TFCP2L1: variants seen among roughly 807,000 people sequenced by gnomAD.
TFCP2L1 encodes transcription factor CP2-like protein 1.
A neutral mutation model predicts 72.2 loss-of-function variants in TFCP2L1; 12 were observed. The observed-to-expected ratio is 0.17, with a 90% CI of 0.11 to 0.27. The LOEUF is 0.27. TFCP2L1 is among the 10% of genes least tolerant of loss of function. The probability of loss-of-function intolerance (pLI) is 1.00; values close to 1 mark genes in which losing one functional copy is unlikely to be tolerated. For missense variants in TFCP2L1, 488 were observed against 624.6 expected, an observed-to-expected ratio of 0.78 and a Z score of 2.33; for synonymous variants, 260 against 251.0, an observed-to-expected ratio of 1.04 and a Z score of -0.34.
chr2:121,247,165 C>G (rs983532946), intron 5 of TFCP2L1, among the ~76,000 whole-genome samples, 195 bp from the exon 6 acceptor site: 4 of 152,146 alleles, frequency 2.6e-5, no homozygotes, highest in Non-Finnish European at 4.4e-5. Context: ...CTGCAAAAGA[C>G]ATACACACCC....
At chr2:121,234,906 C>T (rs1437368795) in intron 11 of TFCP2L1, among the ~76,000 whole-genome samples, 2 of 152,228 alleles carry the variant, frequency 1.3e-5, no homozygotes, top group African/African-American at 2.4e-5. Flanking sequence ...CAGGACCACA[C>T]AAGCATCTGA....
intron 13 of TFCP2L1, among the ~76,000 whole-genome samples, chr2:121,231,348 C>A (rs1078442): frequency 0.39 from 59,854 of 152,116 alleles, 14,178 homozygotes; most frequent in Non-Finnish European, 0.53. Flanking sequence ...AGCCCTCTGC[C>A]AGTAGCTGCT....
rs1491376871 is a variant in TFCP2L1 at position 121,221,399 on chromosome 2, GTA to G, written c.*2940_*2941del. The G allele has an allele frequency of 1.7e-5, 1 of 59,840 alleles. No individual in the cohort carries two copies. The highest frequency in any genetic ancestry group is 4.3e-5 in the African/African-American group (1 of 23,362). 3.7% of individuals were successfully genotyped at this position (59,840 alleles called of 1,614,324 possible). On this transcript the variant is annotated 3_prime_UTR_variant, in exon 15 of 15. Transcript: ENST00000263707. ...ACTGGTGGAACCAAACACAGACTAA[GTA>G]AAAAAAAAAAAAAGGTAAGCTTCCC...
At chr2:121,231,782 G>A in intron 13 of TFCP2L1, 44 bp downstream of exon 13, 1 of 1,602,460 alleles carries the variant, frequency 6.2e-7, no homozygotes, top group Non-Finnish European at 8.5e-7. Flanking sequence ...CTCCTCCCGT[G>A]GCCCAGAGCC....
At chr2:121,252,824 G>C (rs1686638470) in intron 2 of TFCP2L1, among the ~76,000 whole-genome samples, 1 of 152,190 alleles carries the variant, frequency 6.6e-6, no homozygotes, top group African/African-American at 2.4e-5. Context: ...AGCAGCCACA[G>C]AAAACAAATA....
rs1257330798 is a variant in TFCP2L1, at chr2:121,255,742, C to CT, written c.215-6096dup. The stretch of plus-strand genomic sequence containing the variant: ...GTGTATCTATTACATTTCCCCTGAA[C>CT]TTATTTTTTTTTTTTTTTGAGACGG... On this transcript the variant is annotated intron_variant, in intron 2 of 14. Coordinates refer to ENST00000263707, the MANE Select transcript of TFCP2L1 (RefSeq NM_014553.3). Among the ~76,000 whole-genome samples the CT allele has an allele frequency of 2.7e-5, 4 of 147,728 alleles. No homozygotes were observed. The East Asian group carries it at 8.4e-4, about 31-fold the overall frequency.
chr2:121,265,774 G>A (rs1216515919), intron 2 of TFCP2L1, among the ~76,000 whole-genome samples: 1 of 151,940 alleles, frequency 6.6e-6, no homozygotes, highest in Non-Finnish European at 1.5e-5. Context: ...GTGAGCCACC[G>A]TGCCTGGCCA....
At chr2:121,239,533 C>T in intron 8 of TFCP2L1, 25 bp downstream of exon 8, 1 of 1,612,966 alleles carries the variant, frequency 6.2e-7, no homozygotes, top group Non-Finnish European at 8.5e-7. Context: ...TTCAGGGAAC[C>T]CGAAGAAAGA....
Position 121,248,995 on chromosome 2 carries a change from C to T in TFCP2L1, c.384G>A (p.Arg128=). 1 of 1,600,308 alleles carries T rather than the reference C, an allele frequency of 6.2e-7. No individual in the cohort carries two copies. Residue 128 remains arginine (R), a synonymous_variant, in exon 4 of 15, where the codon CGG becomes CGA. Transcript: ENST00000263707. ...CAGGAGACTCACCGATGTCCAGGAT[C>T]CGGTCCCCTGGCCGACTCCACCGCC... ...EGWRWSRPGD[R]ILDIDIPLSV...
intron 13 of TFCP2L1, among the ~76,000 whole-genome samples, chr2:121,231,070 T>G (rs1360877172): frequency 6.6e-6 from 1 of 152,166 alleles, no homozygotes; most frequent in Non-Finnish European, 1.5e-5. Flanking sequence ...GGGCAATTAC[T>G]CAGCCTCTGT....
chr2:121,248,463 T>G (rs1041822441), intron 4 of TFCP2L1, among the ~76,000 whole-genome samples, 193 bp from the exon 5 acceptor site: 12 of 152,226 alleles, frequency 7.9e-5, no homozygotes, highest in African/African-American at 2.9e-4. Context: ...TCACCCCGTT[T>G]TGTATGAACC....
chr2:121,238,982 C>A (rs1686307066), intron 8 of TFCP2L1, among the ~76,000 whole-genome samples: 1 of 152,118 alleles, frequency 6.6e-6, no homozygotes, highest in South Asian at 2.1e-4. Flanking sequence ...ACAGGGCATG[C>A]AGAGCCATCA....
intron 10 of TFCP2L1, among the ~76,000 whole-genome samples, 155 bp from the exon 11 acceptor site, chr2:121,235,466 C>G (rs1686227271): frequency 6.6e-6 from 1 of 151,920 alleles, no homozygotes; most frequent in Non-Finnish European, 1.5e-5. Flanking sequence ...TGCTCAACAA[C>G]ATCAAAAGAT....
chr2:121,275,406 A>AAAAAAAAG (rs1323412676), intron 2 of TFCP2L1, among the ~76,000 whole-genome samples: 1 of 150,698 alleles, frequency 6.6e-6, no homozygotes, highest in African/African-American at 2.4e-5. Flanking sequence ...CTCAAAAAAA[A>AAAAAAAAG]AAAAAAAAAG....
intron 2 of TFCP2L1, among the ~76,000 whole-genome samples, chr2:121,258,172 T>C (rs1686764259): frequency 1.3e-5 from 2 of 152,216 alleles, no homozygotes; most frequent in African/African-American, 4.8e-5. Context: ...ACCTGTCAGA[T>C]GGCAAAAAAC....
At chr2:121,231,391 G>A (rs1051172508) in intron 13 of TFCP2L1, among the ~76,000 whole-genome samples, 2 of 152,212 alleles carry the variant, frequency 1.3e-5, no homozygotes, top group Non-Finnish European at 2.9e-5. Flanking sequence ...CACCTGGGAA[G>A]GCTGTGGCAC....
chr2:121,284,950 G>A, intron 1 of TFCP2L1, 98 bp downstream of exon 1: 1 of 1,105,028 alleles, frequency 9.0e-7, no homozygotes, highest in Non-Finnish European at 1.2e-6. Flanking sequence ...GGGAGGCCAG[G>A]GCCCAGCAGG....
intron 13 of TFCP2L1, among the ~76,000 whole-genome samples, chr2:121,226,944 G>A (rs926072829): frequency 3.9e-5 from 6 of 152,144 alleles, no homozygotes; most frequent in East Asian, 3.9e-4. Context: ...GCTGGTTAGC[G>A]CAGCACCGTC....
Position 121,248,278 on chromosome 2 carries a change from C to A in TFCP2L1, c.398-8G>T, listed in dbSNP as rs72963305. The A allele has an allele frequency of 2.5e-4, 376 of 1,531,116 alleles. 1 individual carries two copies. The African/African-American group carries it at 4.7e-3, about 19-fold the overall frequency. The allele number at this position is 1,531,116 out of a possible 1,614,324, so 94.8% of individuals were successfully genotyped here. A position where few individuals can be genotyped will look rare whatever the true frequency, so the allele number is the denominator to read the frequency against. On this transcript the variant is annotated splice_region_variant and splice_polypyrimidine_tract_variant and intron_variant, in intron 4 of 14. Coordinates refer to ENST00000263707, the MANE Select transcript of TFCP2L1 (RefSeq NM_014553.3). The stretch of plus-strand genomic sequence containing the variant: ...CAACAGACAGTGGAATATCTGCATA[C>A]ACACACACACATACAGAAAGTGCAA...
Sources: gnomAD v4.1 joint callset for allele counts (sites outside exome capture counted in the v4.1 genomes callset) on GRCh38, gnomAD v4.1.1 for gene constraint, MANE v1.5 for transcripts, NCBI Gene and HGNC (gene_info 2026-07-23, HGNC 2026-07-21) for gene names.